Variants in PTPRD observed in about 807,000 individuals in gnomAD.
PTPRD encodes the protein protein tyrosine phosphatase receptor type D, also known as receptor-type tyrosine-protein phosphatase delta.
A neutral mutation model predicts 214.5 loss-of-function variants in PTPRD; 34 were observed. The observed-to-expected ratio is 0.16, with a 90% CI of 0.12 to 0.21. The LOEUF (loss-of-function observed/expected upper bound fraction) is 0.21, where lower values mean the gene tolerates loss of function less well. Among genes scored for constraint, PTPRD ranks in the 10% least tolerant of loss-of-function variants. PTPRD has a pLI of 1.00. For synonymous variants in PTPRD, 1,128 were observed against 845.7 expected (o/e 1.33, Z -5.79); for missense variants, 2,545 against 2,398.7 (o/e 1.06, Z -1.27).
At chr9:9,511,434 T>C (rs2096706327) in intron 8 of PTPRD, among the ~76,000 whole-genome samples, 1 of 151,714 alleles carries the variant, frequency 6.6e-6, no homozygotes, top group Non-Finnish European at 1.5e-5. Context: ...GGCAAAATCA[T>C]TTGTTATCCA....
chr9:8,716,642 T>C (rs765304476), intron 12 of PTPRD, among the ~76,000 whole-genome samples: 83 of 129,288 alleles, frequency 6.4e-4, no homozygotes, highest in Admixed American at 2.3e-3. Context: ...AGGGGATGGT[T>C]CACATATAAA....
intron 5 of PTPRD, among the ~76,000 whole-genome samples, chr9:9,822,913 C>T (rs1206366910): frequency 6.6e-6 from 1 of 152,006 alleles, no homozygotes; most frequent in African/African-American, 2.4e-5. Flanking sequence ...ATGGTACGTC[C>T]ACAGAAAAGT....
Position 10,168,231 on chromosome 9 carries a change from A to G in PTPRD, c.-544-134441T>C, listed in dbSNP as rs376749331. On this transcript the variant is annotated intron_variant, in intron 3 of 45. Coordinates refer to ENST00000381196, the MANE Select transcript of PTPRD (RefSeq NM_002839.4). The stretch of plus-strand genomic sequence containing the variant: ...ATAATGTAATAAAATCTAGTTTAAC[A>G]TTATAATTTTATTCAATTATTTCAT... 5.9e-5 allele frequency among the ~76,000 whole-genome samples: 9 copies of G among 152,340 alleles called. No individual in the cohort carries two copies. The East Asian group carries it at 1.7e-3, about 29-fold the overall frequency.
intron 5 of PTPRD, among the ~76,000 whole-genome samples, chr9:9,882,385 C>T (rs1362615176): frequency 2.0e-5 from 3 of 152,034 alleles, no homozygotes; most frequent in African/African-American, 7.2e-5. Context: ...TTGGCCAACG[C>T]TTGGTCAATA....
intron 9 of PTPRD, among the ~76,000 whole-genome samples, chr9:9,352,091 C>T (rs188011910): frequency 6.6e-6 from 1 of 151,898 alleles, no homozygotes; most frequent in East Asian, 2.0e-4. Flanking sequence ...TACAGGAATC[C>T]CAGCCTCTGC....
intron 3 of PTPRD, among the ~76,000 whole-genome samples, chr9:10,098,285 T>C (rs911252657): frequency 1.9e-4 from 27 of 144,780 alleles, no homozygotes; most frequent in Non-Finnish European, 6.0e-5. Context: ...CAGGTGGGAA[T>C]TGAACAATGA....
intron 9 of PTPRD, among the ~76,000 whole-genome samples, chr9:9,257,017 C>A (rs2099978013): frequency 6.6e-6 from 1 of 151,938 alleles, no homozygotes; most frequent in African/African-American, 2.4e-5. Flanking sequence ...AGGGTTGTTC[C>A]CTCTTTCTCT....
At chr9:9,493,830 T>C (rs1240397215) in intron 8 of PTPRD, among the ~76,000 whole-genome samples, 1 of 122,762 alleles carries the variant, frequency 8.1e-6, no homozygotes, top group African/African-American at 3.0e-5. Context: ...AGAAAAGAAA[T>C]ACATTTTGTA....
intron 7 of PTPRD, among the ~76,000 whole-genome samples, chr9:9,630,013 T>C (rs1225802631): frequency 1.3e-5 from 2 of 152,098 alleles, no homozygotes; most frequent in Non-Finnish European, 2.9e-5. Context: ...GTAAGGAAGA[T>C]TGGTGCCCTG....
chr9:8,421,704 C>G (rs966252772), intron 35 of PTPRD, among the ~76,000 whole-genome samples: 1 of 152,034 alleles, frequency 6.6e-6, no homozygotes, highest in South Asian at 2.1e-4. Context: ...CTTAGTTTCC[C>G]TCCATCAAAT....
chr9:8,950,186 C>T (rs2099093900), intron 11 of PTPRD, among the ~76,000 whole-genome samples: 1 of 152,106 alleles, frequency 6.6e-6, no homozygotes, highest in Non-Finnish European at 1.5e-5. Context: ...CCACTCCTCT[C>T]ACTAGATGGG....
intron 14 of PTPRD, among the ~76,000 whole-genome samples, chr9:8,598,157 T>A (rs1329747335): frequency 6.6e-6 from 1 of 152,152 alleles, no homozygotes; most frequent in Non-Finnish European, 1.5e-5. Flanking sequence ...CTTTCATACA[T>A]TCTCCAAATT....
chr9:9,837,006 G>C (rs112354556), intron 5 of PTPRD, among the ~76,000 whole-genome samples: 5 of 152,264 alleles, frequency 3.3e-5, no homozygotes, highest in African/African-American at 9.6e-5. Flanking sequence ...AAACATAAGT[G>C]AATGCATGAA....
chr9:8,997,782 G>C (rs1425866939), intron 11 of PTPRD, among the ~76,000 whole-genome samples: 1 of 152,046 alleles, frequency 6.6e-6, no homozygotes, highest in African/African-American at 2.4e-5. Flanking sequence ...CAAAAAGCTA[G>C]TCAAACTGTG....
chr9:8,319,691 T>G, intron 45 of PTPRD, 140 bp downstream of exon 45: 1 of 998,544 alleles, frequency 1.0e-6, no homozygotes, highest in Non-Finnish European at 1.5e-6. Context: ...AGGGGGAAAA[T>G]GAGGTTCAAA....
chr9:8,543,172 A>AT (rs1238727082), intron 14 of PTPRD, among the ~76,000 whole-genome samples: 1 of 152,222 alleles, frequency 6.6e-6, no homozygotes, highest in African/African-American at 2.4e-5. Flanking sequence ...CGATGTAATA[A>AT]AACCTTTTTC....
At chr9:8,471,434 A>G (rs2134985127) in intron 30 of PTPRD, among the ~76,000 whole-genome samples, 1 of 152,194 alleles carries the variant, frequency 6.6e-6, no homozygotes, top group Middle Eastern at 3.4e-3. Flanking sequence ...TGAACCAAAT[A>G]TTTTCTATGA....
chr9:9,891,460 ACATATAGAC>A (rs1483904680), intron 5 of PTPRD, among the ~76,000 whole-genome samples: 5 of 152,026 alleles, frequency 3.3e-5, no homozygotes, highest in African/African-American at 1.2e-4. Context: ...GCCATTACTA[ACATATAGAC>A]CATTATTTCT....
At chr9:9,344,926 A>T (rs1156835282) in intron 9 of PTPRD, among the ~76,000 whole-genome samples, 1 of 152,124 alleles carries the variant, frequency 6.6e-6, no homozygotes, top group Non-Finnish European at 1.5e-5. Flanking sequence ...AGAAAGCCAG[A>T]GGAGTTTCTG....
Sources: gnomAD v4.1 joint callset for allele counts (sites outside exome capture counted in the v4.1 genomes callset) on GRCh38, gnomAD v4.1.1 for gene constraint, MANE v1.5 for transcripts, NCBI Gene and HGNC (gene_info 2026-07-23, HGNC 2026-07-21) for gene names.